The following COL28A1 variants were observed in gnomAD, a reference collection of about 807,000 sequenced individuals.
COL28A1 encodes collagen alpha-1(XXVIII) chain.
COL28A1 carries 161 observed loss-of-function variants against 150.2 expected under a neutral mutation model. That is an observed-to-expected ratio of 1.07 (90% CI 0.94 to 1.22). The LOEUF is 1.22. Among genes scored for constraint, COL28A1 ranks in the 50% most tolerant of loss-of-function variants. COL28A1 has a pLI of 0.00. For synonymous variants in COL28A1, 552 were observed against 469.7 expected, an observed-to-expected ratio of 1.18 and a Z score of -2.26; for missense variants, 1,617 against 1,388.3, an observed-to-expected ratio of 1.16 and a Z score of -2.62.
intron 27 of COL28A1, among the ~76,000 whole-genome samples, chr7:7,388,386 C>T (rs1317682158): frequency 1.3e-5 from 2 of 152,004 alleles, no homozygotes; most frequent in Admixed American, 6.6e-5. Context: ...TGTATATTGC[C>T]ACTTTTCTTT....
At chr7:7,479,539 C>T (rs536827860) in intron 13 of COL28A1, among the ~76,000 whole-genome samples, 7 of 152,188 alleles carry the variant, frequency 4.6e-5, no homozygotes, top group Non-Finnish European at 1.0e-4. Flanking sequence ...GTGCTGTTTA[C>T]ATGTGTTTCA....
intron 1 of COL28A1, among the ~76,000 whole-genome samples, chr7:7,533,898 C>G (rs1454547842): frequency 6.6e-6 from 1 of 152,142 alleles, no homozygotes; most frequent in African/African-American, 2.4e-5. Context: ...CCTGCTGAAA[C>G]TTTATTGACT....
In COL28A1 at chr7:7,432,640, C is replaced by A. The variant is rs184715870; in HGVS notation, c.1921G>T (p.Gly641Cys). 8 of 1,613,932 alleles carry A rather than the reference C, an allele frequency of 5.0e-6. No homozygotes were observed. The Admixed American group carries it at 1.3e-4, about 27-fold the overall frequency. ...APGLKGDGYP[G>C]VPGPRGLPGP... ...AAAAATGTCCCACTTACAGGCACAC[C>A]AGGATAGCCATCACCTTTGAGTCCT... Residue 641 changes from glycine to cysteine, a missense_variant, in exon 24 of 35, where the codon GGT (glycine) becomes TGT (cysteine). Physicochemically the swap from Gly to Cys is radical, Grantham distance 159. Coordinates refer to ENST00000399429, the MANE Select transcript of COL28A1 (RefSeq NM_001037763.3).
At chr7:7,400,334 A>G (rs1300662059) in intron 27 of COL28A1, among the ~76,000 whole-genome samples, 5 of 152,280 alleles carry the variant, frequency 3.3e-5, no homozygotes, top group African/African-American at 7.2e-5. Context: ...ACAGGAGAGA[A>G]GAAGGCCAAG....
At chr7:7,344,659 AT>A in the COL28A1 span, among the ~76,000 whole-genome samples, 1 of 152,046 alleles carries the variant, frequency 6.6e-6, no homozygotes, top group Non-Finnish European at 1.5e-5. Context: ...AAGTAAGAGA[AT>A]TTTTTTCTAA....
chr7:7,395,623 ATTGGAACATGGTTGGT>A (rs910531894), intron 27 of COL28A1, among the ~76,000 whole-genome samples: 23 of 152,326 alleles, frequency 1.5e-4, no homozygotes, highest in African/African-American at 5.3e-4. Context: ...GTTATAGTCA[ATTGGAACATGGTTGGT>A]TGAGAGCACT....
At chr7:7,365,525 G>T (rs1336361729) in intron 33 of COL28A1, among the ~76,000 whole-genome samples, 1 of 152,162 alleles carries the variant, frequency 6.6e-6, no homozygotes, top group Non-Finnish European at 1.5e-5. Flanking sequence ...ACTCAGTGCA[G>T]TATCCCAAGA....
chr7:7,490,046 C>T (rs1779832000), intron 12 of COL28A1, among the ~76,000 whole-genome samples: 1 of 152,150 alleles, frequency 6.6e-6, no homozygotes, highest in South Asian at 2.1e-4. Flanking sequence ...TTGTCACAAC[C>T]ACTTGGAAAA....
At position 7,370,807 on chromosome 7, in the gene COL28A1, G is replaced by A. The variant is rs762837552; in HGVS notation, c.2984C>T (p.Ser995Leu). ...DSYLVQIFGS[S>L]SPQPGFGMSG... is the part of the protein sequence containing the mutation. ...CATCCCAAATCCAGGTTGAGGTGACGATGAACCAAAAATTTGAACGAGATA... is the reference window on the plus strand; with the variant it reads ...CATCCCAAATCCAGGTTGAGGTGACAATGAACCAAAAATTTGAACGAGATA... The change falls in exon 33 of 35, where the codon TCG becomes TTG. Residue 995 changes from serine (S) to leucine (L), a missense_variant. Ser to Leu is a moderately radical substitution (Grantham distance 145, BLOSUM62 -2). Coordinates refer to ENST00000399429, the MANE Select transcript of COL28A1 (RefSeq NM_001037763.3). 2.5e-6 allele frequency: 4 copies of A among 1,613,436 alleles called. No homozygotes were observed. Among genetic ancestry groups the A allele is most frequent in the East Asian group, 2.2e-5 (1 of 44,862 alleles).
the COL28A1 span, among the ~76,000 whole-genome samples, chr7:7,543,236 T>C: frequency 2.6e-5 from 4 of 152,220 alleles, no homozygotes; most frequent in Non-Finnish European, 5.9e-5. Flanking sequence ...AACAAGAATG[T>C]TGGTTGGCAT....
At chr7:7,533,163 G>A (rs570189074) in intron 1 of COL28A1, among the ~76,000 whole-genome samples, 41 of 152,028 alleles carry the variant, frequency 2.7e-4, no homozygotes, top group South Asian at 1.2e-3. Flanking sequence ...TCTTAATTCC[G>A]CATTGTATTT....
chr7:7,401,116 GCT>G (rs1309897037), intron 27 of COL28A1, among the ~76,000 whole-genome samples: 2 of 150,614 alleles, frequency 1.3e-5, no homozygotes, highest in Admixed American at 6.7e-5. Flanking sequence ...ACCAAAATTA[GCT>G]CTCTGTGAAA....
chr7:7,443,515 C>A (rs1785979590), intron 20 of COL28A1, 70 bp downstream of exon 20: 1 of 1,588,286 alleles, frequency 6.3e-7, no homozygotes, highest in African/African-American at 1.4e-5. Context: ...AATCAAATTT[C>A]TTCTAAGTTG....
chr7:7,386,871 T>C (rs2128292171), intron 27 of COL28A1, among the ~76,000 whole-genome samples: 2 of 152,266 alleles, frequency 1.3e-5, no homozygotes, highest in Admixed American at 1.3e-4. Context: ...AGATTATCTC[T>C]CACAGTTCTG....
chr7:7,430,134 T>C (rs1784879577), intron 25 of COL28A1, among the ~76,000 whole-genome samples: 1 of 152,122 alleles, frequency 6.6e-6, no homozygotes, highest in Admixed American at 6.5e-5. Context: ...TTTTTTATGT[T>C]CTTTTTTTTT....
intron 7 of COL28A1, among the ~76,000 whole-genome samples, chr7:7,516,576 C>A (rs1189068607): frequency 1.3e-5 from 2 of 152,082 alleles, no homozygotes; most frequent in Non-Finnish European, 2.9e-5. Flanking sequence ...AGCAGCAAGT[C>A]CTCTTCAAAT....
chr7:7,506,413 C>T (rs923064800), intron 10 of COL28A1, among the ~76,000 whole-genome samples: 20 of 152,138 alleles, frequency 1.3e-4, no homozygotes, highest in Admixed American at 2.0e-4. Flanking sequence ...ATGTAACTGA[C>T]GTTAGAGCTT....
At chr7:7,502,076 G>A (rs1780563187) in intron 11 of COL28A1, among the ~76,000 whole-genome samples, 1 of 152,128 alleles carries the variant, frequency 6.6e-6, no homozygotes, top group African/African-American at 2.4e-5. Context: ...TGTGCTGTTA[G>A]TAGAGACGGG....
At chr7:7,351,014 AT>A in the COL28A1 span, among the ~76,000 whole-genome samples, 2 of 152,158 alleles carry the variant, frequency 1.3e-5, no homozygotes, top group Non-Finnish European at 2.9e-5. Flanking sequence ...CAATTTACTT[AT>A]TGATTTAGAA....
Sources: allele counts gnomAD v4.1 joint callset (sites outside exome capture counted in the v4.1 genomes callset), GRCh38; gene constraint gnomAD v4.1.1; transcripts MANE v1.5; gene names NCBI Gene and HGNC (gene_info 2026-07-23, HGNC 2026-07-21).